Variants in RGS7 observed in about 807,000 individuals in gnomAD.
RGS7 encodes regulator of G protein signaling 7.
A neutral mutation model predicts 81.1 loss-of-function variants in RGS7; 27 were observed. That is an observed-to-expected ratio of 0.33 (90% CI 0.25 to 0.46). RGS7 has a LOEUF of 0.46. Among genes scored for constraint, RGS7 ranks in the 20% least tolerant of loss-of-function variants. RGS7 has a pLI of 1.00. For synonymous variants in RGS7, 208 were observed against 207.7 expected (o/e 1.00, Z -0.01); for missense variants, 396 against 607.4 (o/e 0.65, Z 3.66).
chr1:240,925,177 G>C (rs964470611), intron 6 of RGS7, among the ~76,000 whole-genome samples: 1 of 151,988 alleles, frequency 6.6e-6, no homozygotes, highest in Non-Finnish European at 1.5e-5. Context: ...TGTTACATGG[G>C]TATATTGCAT....
At chr1:241,338,589 A>G (rs571819380) in intron 2 of RGS7, among the ~76,000 whole-genome samples, 31 of 152,224 alleles carry the variant, frequency 2.0e-4, no homozygotes, top group African/African-American at 6.7e-4. Context: ...ATTTGCATTT[A>G]TTCTTTGACA....
chr1:241,061,254 G>A (rs1453819925), intron 3 of RGS7, among the ~76,000 whole-genome samples: 1 of 152,128 alleles, frequency 6.6e-6, no homozygotes, highest in Non-Finnish European at 1.5e-5. Flanking sequence ...AAAGGTCACT[G>A]TATTTTGGTG....
intron 2 of RGS7, among the ~76,000 whole-genome samples, chr1:241,143,400 T>C (rs756876920): frequency 6.6e-6 from 1 of 152,178 alleles, no homozygotes; most frequent in Non-Finnish European, 1.5e-5. Context: ...TGCAGTTCCA[T>C]GTGGCTAGGG....
At chr1:240,789,250 TC>T (rs1685560648) in intron 18 of RGS7, among the ~76,000 whole-genome samples, 1 of 152,194 alleles carries the variant, frequency 6.6e-6, no homozygotes, top group Non-Finnish European at 1.5e-5. Flanking sequence ...AATCTCTTAA[TC>T]CCGTCATCTT....
chr1:241,216,065 A>T (rs529324338), intron 2 of RGS7, among the ~76,000 whole-genome samples: 7 of 152,206 alleles, frequency 4.6e-5, no homozygotes, highest in Admixed American at 1.3e-4. Context: ...AGGTTAGGAG[A>T]TCGAGACCAT....
chr1:240,784,270 A>G (rs530077470), intron 18 of RGS7, among the ~76,000 whole-genome samples: 2 of 152,150 alleles, frequency 1.3e-5, no homozygotes, highest in South Asian at 4.1e-4. Context: ...GATTGAGCAG[A>G]AATAAAGGGG....
At chr1:241,248,132 C>T (rs535804786) in intron 2 of RGS7, among the ~76,000 whole-genome samples, 5 of 152,028 alleles carry the variant, frequency 3.3e-5, no homozygotes, top group South Asian at 4.2e-4. Flanking sequence ...TTTAGGATTG[C>T]GAATCATTAT....
chr1:240,933,117 C>T (rs751177807), intron 5 of RGS7, among the ~76,000 whole-genome samples: 14 of 151,286 alleles, frequency 9.3e-5, no homozygotes, highest in Middle Eastern at 3.4e-3. Flanking sequence ...CTCCTGACCT[C>T]GTGATCTGCC....
At chr1:241,227,394 GA>G (rs1375076526) in intron 2 of RGS7, among the ~76,000 whole-genome samples, 1 of 152,092 alleles carries the variant, frequency 6.6e-6, no homozygotes, top group Non-Finnish European at 1.5e-5. Context: ...TAAAGTCTCT[GA>G]GGCGGCAGGC....
intron 2 of RGS7, among the ~76,000 whole-genome samples, chr1:241,297,376 G>A (rs1300654486): frequency 4.6e-5 from 7 of 152,224 alleles, no homozygotes; most frequent in Non-Finnish European, 1.0e-4. Flanking sequence ...TATGTGGGGA[G>A]AAGATGTGAA....
intron 10 of RGS7, among the ~76,000 whole-genome samples, chr1:240,821,676 T>A (rs1691836803): frequency 6.6e-6 from 1 of 152,212 alleles, no homozygotes; most frequent in Non-Finnish European, 1.5e-5. Context: ...GGATTATTAA[T>A]AGCAGGAAAA....
intron 6 of RGS7, among the ~76,000 whole-genome samples, chr1:240,894,993 T>C (rs915133563): frequency 3.3e-5 from 5 of 152,182 alleles, no homozygotes; most frequent in Non-Finnish European, 7.3e-5. Flanking sequence ...GTGGGAGGTG[T>C]TTGGACCATG....
chr1:241,329,464 G>C (rs1356474674), intron 2 of RGS7, among the ~76,000 whole-genome samples: 1 of 152,014 alleles, frequency 6.6e-6, no homozygotes, highest in East Asian at 1.9e-4. Flanking sequence ...TTCAGAGATG[G>C]GATACCCATC....
chr1:240,981,103 T>TTTTG (rs149348055), intron 4 of RGS7, among the ~76,000 whole-genome samples: 18 of 151,976 alleles, frequency 1.2e-4, no homozygotes, highest in East Asian at 5.8e-4. Context: ...TTCAGGTTTT[T>TTTTG]TTTGTTTGTT....
intron 2 of RGS7, among the ~76,000 whole-genome samples, chr1:241,220,226 CTT>C (rs1229946341): frequency 2.0e-5 from 3 of 152,140 alleles, no homozygotes; most frequent in Non-Finnish European, 4.4e-5. Flanking sequence ...ATAAAAGAAA[CTT>C]TTAAAAGAAA....
chr1:240,931,210 G>A (rs1020472622), intron 5 of RGS7, among the ~76,000 whole-genome samples: 5 of 152,094 alleles, frequency 3.3e-5, no homozygotes, highest in Admixed American at 2.6e-4. Flanking sequence ...TCAACCAACC[G>A]ATAGACTCTT....
At chr1:241,004,704 T>A (rs2058592472) in intron 3 of RGS7, among the ~76,000 whole-genome samples, 3 of 152,020 alleles carry the variant, frequency 2.0e-5, no homozygotes, top group Admixed American at 2.0e-4. Context: ...GCAACGCCTG[T>A]CCCTCTAGAT....
intron 6 of RGS7, among the ~76,000 whole-genome samples, chr1:240,905,826 C>T (rs1248918556): frequency 6.6e-6 from 1 of 152,160 alleles, no homozygotes; most frequent in African/African-American, 2.4e-5. Context: ...ATGACATGCA[C>T]CAGGGATCTC....
intron 9 of RGS7, among the ~76,000 whole-genome samples, chr1:240,849,249 G>T (rs184937782): frequency 3.7e-4 from 56 of 151,544 alleles, no homozygotes; most frequent in Admixed American, 1.6e-3. Flanking sequence ...TTGGTTTATT[G>T]TAAGTTCTAC....
Sources: allele counts gnomAD v4.1 joint callset (sites outside exome capture counted in the v4.1 genomes callset), GRCh38; gene constraint gnomAD v4.1.1; transcripts MANE v1.5; gene names NCBI Gene and HGNC (gene_info 2026-07-23, HGNC 2026-07-21).